PKHD1: variants seen among roughly 807,000 people sequenced by gnomAD.
PKHD1 encodes the protein PKHD1 ciliary IPT domain containing fibrocystin/polyductin, also known as fibrocystin.
A neutral mutation model predicts 412.0 loss-of-function variants in PKHD1; 291 were observed. The ratio of observed to expected loss-of-function variants is 0.71; its 90% CI spans 0.64 to 0.78. PKHD1 has a LOEUF of 0.78. Ranked by LOEUF, PKHD1 falls within the 30% of genes least tolerant of loss-of-function variation. The probability of loss-of-function intolerance (pLI) is 0.00; values close to 1 mark genes in which losing one functional copy is unlikely to be tolerated. For synonymous variants in PKHD1, 1,777 were observed against 1,821.5 expected (o/e 0.98, Z 0.62); for missense variants, 4,825 against 4,950.7 (o/e 0.97, Z 0.76).
At chr6:51,971,554 T>C (rs915041559) in intron 35 of PKHD1, among the ~76,000 whole-genome samples, 1 of 152,134 alleles carries the variant, frequency 6.6e-6, no homozygotes, top group Non-Finnish European at 1.5e-5. Context: ...ACCAAAGATA[T>C]ACAGTAAATA....
chr6:52,054,143 T>C lies in PKHD1; in HGVS notation c.1859A>G (p.His620Arg). Reference protein sequence around the residue: ...YTHLCLAYKGHMNKILKMIVS... With the variant: ...YTHLCLAYKGRMNKILKMIVS... ...AATCATCTTCAGGATCTTGTTCATG[T>C]GGCCTTTGTATGCAAGACACAGCTA... Residue 620 changes from histidine to arginine, a missense_variant, in exon 20 of 67, where the codon CAC becomes CGC. By Grantham distance (29) the His-to-Arg change is conservative. Transcript: ENST00000371117. 1 of 1,614,024 alleles carries C rather than the reference T, an allele frequency of 6.2e-7. No homozygotes were observed. The highest frequency in any genetic ancestry group is 8.5e-7 in the Non-Finnish European group (1 of 1,179,842).
rs949371369 is a variant in PKHD1, at chr6:51,906,275, A to C, written c.6748T>G (p.Leu2250Val). The C allele has an allele frequency of 3.7e-6, 6 of 1,610,464 alleles. No individual in the cohort carries two copies. Among genetic ancestry groups the C allele is most frequent in the Non-Finnish European group, 5.1e-6 (6 of 1,176,914 alleles). The change falls in exon 41 of 67, where the codon TTG becomes GTG. Residue 2250 changes from leucine to valine, a missense_variant. Coordinates refer to ENST00000371117, the MANE Select transcript of PKHD1 (RefSeq NM_138694.4). Reference protein sequence around the residue: ...FSRGLSMCGTLGLKVDSNVFY... With the variant: ...FSRGLSMCGTVGLKVDSNVFY... ...ACATTACTGTCCACCTTCAGGCCCAAGGTCCCGCACATGCTGAGGCCTCTA... is the reference window on the plus strand; with the variant it reads ...ACATTACTGTCCACCTTCAGGCCCACGGTCCCGCACATGCTGAGGCCTCTA...
chr6:51,691,810 T>G (rs566485257), intron 60 of PKHD1, among the ~76,000 whole-genome samples: 1 of 152,246 alleles, frequency 6.6e-6, no homozygotes, highest in Admixed American at 6.5e-5. Flanking sequence ...GCTTAAAAGT[T>G]TTAAAAAAGT....
chr6:51,933,754 T>C (rs936414778), intron 37 of PKHD1, among the ~76,000 whole-genome samples: 3 of 152,202 alleles, frequency 2.0e-5, no homozygotes, highest in Non-Finnish European at 4.4e-5. Context: ...CACTTGGCCA[T>C]GCAGTCCCCC....
intron 43 of PKHD1, 26 bp from the exon 44 acceptor site, chr6:51,887,271 AAT>A (rs778131398): frequency 7.2e-7 from 1 of 1,389,934 alleles, no homozygotes; most frequent in African/African-American, 1.4e-5. Context: ...AGAGTTAAAA[AAT>A]AGTTACCCCA....
Position 51,899,283 on chromosome 6 carries a change from A to C in PKHD1, c.6996+4314T>G, listed in dbSNP as rs552112264. Among the ~76,000 whole-genome samples the C allele has an allele frequency of 2.7e-3, 413 of 151,574 alleles. 5 individuals carry two copies. Among genetic ancestry groups the C allele is most frequent in the African/African-American group, 9.4e-3 (386 of 41,272 alleles). Reference sequence around the variant, plus strand: ...AAATCCTCAATAAAATACTGGCAAAACGAATCCAGCAGCACATCAAAAAGC... The same window carrying C: ...AAATCCTCAATAAAATACTGGCAAACCGAATCCAGCAGCACATCAAAAAGC... On this transcript the variant is annotated intron_variant, in intron 43 of 66. Transcript: ENST00000371117.
intron 50 of PKHD1, among the ~76,000 whole-genome samples, chr6:51,846,380 C>A: frequency 6.6e-6 from 1 of 152,140 alleles, no homozygotes; most frequent in South Asian, 2.1e-4. Context: ...GGGCTTGTGG[C>A]AGGGGCTAGA....
intron 53 of PKHD1, 27 bp downstream of exon 53, chr6:51,791,209 G>A: frequency 6.2e-7 from 1 of 1,609,098 alleles, no homozygotes; most frequent in Non-Finnish European, 8.5e-7. Flanking sequence ...TTCTCAACAT[G>A]CTCGCAATCC....
intron 36 of PKHD1, among the ~76,000 whole-genome samples, chr6:51,955,970 TTGA>T (rs1470344797): frequency 2.6e-5 from 4 of 152,114 alleles, no homozygotes; most frequent in Admixed American, 1.3e-4. Flanking sequence ...GTTGTTGTTG[TTGA>T]TGATGATTGT....
At chr6:51,680,200 T>C (rs1776455999) in intron 60 of PKHD1, among the ~76,000 whole-genome samples, 1 of 152,026 alleles carries the variant, frequency 6.6e-6, no homozygotes, top group Admixed American at 6.6e-5. Flanking sequence ...CTAGAAATTT[T>C]TTCCACGATG....
At chr6:51,728,853 C>T (rs1782898517) in intron 60 of PKHD1, among the ~76,000 whole-genome samples, 2 of 152,174 alleles carry the variant, frequency 1.3e-5, no homozygotes, top group African/African-American at 4.8e-5. Flanking sequence ...CCATTCCAAC[C>T]AGGATCATGA....
At position 51,744,050 on chromosome 6, in the gene PKHD1, G is replaced by C. The variant is rs368624677; in HGVS notation, c.10156+335C>G. Among the ~76,000 whole-genome samples the C allele has an allele frequency of 1.1e-4, 16 of 152,328 alleles. No individual in the cohort carries two copies. The East Asian group carries it at 2.5e-3, about 24-fold the overall frequency. On this transcript the variant is annotated intron_variant, in intron 60 of 66. Coordinates refer to ENST00000371117, the MANE Select transcript of PKHD1 (RefSeq NM_138694.4). Reference sequence around the variant, plus strand: ...AAGGAGCTGGTTCCATGGCAGACCAGTATGAAACACTGAGCATGATGGCTG... The same window carrying C: ...AAGGAGCTGGTTCCATGGCAGACCACTATGAAACACTGAGCATGATGGCTG...
At chr6:51,834,222 C>T (rs964370442) in intron 51 of PKHD1, among the ~76,000 whole-genome samples, 8 of 152,068 alleles carry the variant, frequency 5.3e-5, no homozygotes, top group African/African-American at 7.2e-5. Context: ...GTTAACTACA[C>T]GAGACAATGA....
At chr6:51,974,622 T>C (rs1465522670) in intron 35 of PKHD1, among the ~76,000 whole-genome samples, 1 of 152,172 alleles carries the variant, frequency 6.6e-6, no homozygotes, top group Non-Finnish European at 1.5e-5. Context: ...CCAAACATTG[T>C]ATGTTCTCAC....
intron 36 of PKHD1, among the ~76,000 whole-genome samples, chr6:51,942,146 T>C (rs911900157): frequency 1.3e-5 from 2 of 151,430 alleles, no homozygotes; most frequent in Admixed American, 6.6e-5. Flanking sequence ...TCCTAAATCC[T>C]TTCCCCACTC....
At chr6:51,625,508 A>G (rs1767114792) in intron 66 of PKHD1, among the ~76,000 whole-genome samples, 1 of 152,128 alleles carries the variant, frequency 6.6e-6, no homozygotes. Context: ...ACATTTTTCT[A>G]TTTTTAACTT....
In PKHD1 at chr6:51,701,944, A is replaced by G. The variant is rs569723168; in HGVS notation, c.10157-41975T>C. ...TTTTTATTGATAAAATTCAAAAATT[A>G]TATCATATTAATCATATCTCAAACA... On this transcript the variant is annotated intron_variant, in intron 60 of 66. Coordinates refer to ENST00000371117, the MANE Select transcript of PKHD1 (RefSeq NM_138694.4). Among the ~76,000 whole-genome samples, 351 of 151,490 alleles carry G rather than the reference A, an allele frequency of 2.3e-3. 2 individuals are homozygous for G. The highest frequency in any genetic ancestry group is 5.1e-3 in the Admixed American group (78 of 15,152).
At chr6:51,625,060 T>G (rs752270749) in intron 66 of PKHD1, among the ~76,000 whole-genome samples, 22 of 152,208 alleles carry the variant, frequency 1.4e-4, no homozygotes, top group Non-Finnish European at 2.6e-4. Context: ...TTTACTATCT[T>G]CTTCCCCCAT....
chr6:51,740,813 T>A (rs1015672161), intron 60 of PKHD1, among the ~76,000 whole-genome samples: 6 of 152,238 alleles, frequency 3.9e-5, no homozygotes, highest in Admixed American at 6.5e-5. Flanking sequence ...CCATTTACTA[T>A]GTGCTGTCTC....
Sources: gnomAD v4.1 joint callset for allele counts (sites outside exome capture counted in the v4.1 genomes callset) on GRCh38, gnomAD v4.1.1 for gene constraint, MANE v1.5 for transcripts, NCBI Gene and HGNC (gene_info 2026-07-23, HGNC 2026-07-21) for gene names.